The following ARCN1 variants were observed in gnomAD, a reference collection of about 807,000 sequenced individuals.
ARCN1 encodes archain 1 coat protein complex I subunit delta.
A neutral mutation model predicts 60.4 loss-of-function variants in ARCN1; 5 were observed. The ratio of observed to expected loss-of-function variants is 0.08; its 90% confidence interval spans 0.04 to 0.17. The LOEUF (loss-of-function observed/expected upper bound fraction) is 0.17. ARCN1 is among the 10% of genes least tolerant of loss of function. The pLI is 1.00. For missense variants in ARCN1, 464 were observed against 626.5 expected, an observed-to-expected ratio of 0.74 and a Z score of 2.77; for synonymous variants, 224 against 220.0, an observed-to-expected ratio of 1.02 and a Z score of -0.16.
At chr11:118,597,977 G>A in intron 9 of ARCN1, 66 bp downstream of exon 9, 4 of 1,514,416 alleles carry the variant, frequency 2.6e-6, no homozygotes, top group Non-Finnish European at 2.7e-6. Context: ...CGTATAGGAT[G>A]CCAGACAGGT....
Position 118,584,689 on chromosome 11 carries a change from C to T in ARCN1, c.818+45C>T, listed in dbSNP as rs782548734. On this transcript the variant is annotated intron_variant, in intron 5 of 9. Coordinates refer to ENST00000264028, the MANE Select transcript of ARCN1 (RefSeq NM_001655.5). ...AAGAATTCAAGCTTTGAATACAGTC[C>T]ACATAATTTTTTAAAAATCTTATTT... 8 of 1,462,242 alleles carry T rather than the reference C, an allele frequency of 5.5e-6. No individual in the cohort carries two copies. In the East Asian group the frequency reaches 1.9e-4, roughly 35 times the overall value. The allele number at this position is 1,462,242 out of a possible 1,614,324, so 90.6% of individuals were successfully genotyped here. A position where few individuals can be genotyped will look rare whatever the true frequency, so the allele number is the denominator to read the frequency against.
chr11:118,582,264 T>A (rs936973233), intron 2 of ARCN1, among the ~76,000 whole-genome samples: 1 of 152,034 alleles, frequency 6.6e-6, no homozygotes, highest in Admixed American at 6.5e-5. Context: ...GGCCTCAGCC[T>A]CCCGAGTAGT....
chr11:118,584,780 G>T, intron 5 of ARCN1, 136 bp downstream of exon 5: 1 of 824,502 alleles, frequency 1.2e-6, no homozygotes, highest in Non-Finnish European at 1.8e-6. Flanking sequence ...ATTCAGAGCA[G>T]ATTCTACATA....
At position 118,602,460 on chromosome 11, in the gene ARCN1, T is replaced by C. The variant is rs141704685; in HGVS notation, c.*1746T>C. The C allele has an allele frequency of 4.1e-3, 634 of 153,936 alleles. 4 individuals carry two copies. Among genetic ancestry groups the C allele is most frequent in the Non-Finnish European group, 7.6e-3 (514 of 68,068 alleles). The allele number at this position is 153,936 out of a possible 1,614,324, so 9.5% of individuals were successfully genotyped here. ...GACGACTAGATGACTTCTGCACTTTTAGCTGGTTGAAAAGTACCACTCCCA... is the reference window on the plus strand; with the variant it reads ...GACGACTAGATGACTTCTGCACTTTCAGCTGGTTGAAAAGTACCACTCCCA... On this transcript the variant is annotated 3_prime_UTR_variant, in exon 10 of 10. Transcript: ENST00000264028.
chr11:118,572,900 C>T, intron 1 of ARCN1: 1 of 309,174 alleles, frequency 3.2e-6, no homozygotes, highest in South Asian at 1.0e-4. Flanking sequence ...TGATGCTGTC[C>T]CGCCGGTTCC....
intron 5 of ARCN1, among the ~76,000 whole-genome samples, chr11:118,587,862 G>A (rs181029040): frequency 7.9e-4 from 121 of 152,306 alleles, no homozygotes; most frequent in African/African-American, 2.5e-3. Flanking sequence ...CAATTAATCT[G>A]CTAGAGCACC....
Position 118,581,241 on chromosome 11 carries a change from G to A in ARCN1, c.4-5G>A, listed in dbSNP as rs1555074521. 1 of 1,613,954 alleles carries A rather than the reference G, an allele frequency of 6.2e-7. No homozygotes were observed. Among genetic ancestry groups the A allele is most frequent in the Non-Finnish European group, 8.5e-7 (1 of 1,179,768 alleles). ...AGTACTTACTTATGCATATGTTCCTGGCAGGTGCTGTTGGCAGCAGCGGTC... is the reference window on the plus strand; with the variant it reads ...AGTACTTACTTATGCATATGTTCCTAGCAGGTGCTGTTGGCAGCAGCGGTC... On this transcript the variant is annotated splice_region_variant and splice_polypyrimidine_tract_variant and intron_variant, in intron 1 of 9. Transcript: ENST00000264028.
chr11:118,584,678 T>C lies in ARCN1; in HGVS notation c.818+34T>C, dbSNP rs782709077. On this transcript the variant is annotated intron_variant, in intron 5 of 9. Coordinates refer to ENST00000264028, the MANE Select transcript of ARCN1 (RefSeq NM_001655.5). ...GAACTTTGAGTAAGAATTCAAGCTTTGAATACAGTCCACATAATTTTTTAA... is the reference window on the plus strand; with the variant it reads ...GAACTTTGAGTAAGAATTCAAGCTTCGAATACAGTCCACATAATTTTTTAA... 14 of 1,537,332 alleles carry C rather than the reference T, an allele frequency of 9.1e-6. No homozygotes were observed. The African/African-American group carries it at 1.7e-4, about 18-fold the overall frequency.
intron 5 of ARCN1, among the ~76,000 whole-genome samples, chr11:118,585,923 ATT>A (rs1565362125): frequency 6.6e-6 from 1 of 152,184 alleles, no homozygotes; most frequent in Non-Finnish European, 1.5e-5. Context: ...GGTTGGTGAC[ATT>A]TTTAAGTGGT....
At chr11:118,595,514 A>C (rs1344617174) in intron 8 of ARCN1, among the ~76,000 whole-genome samples, 1 of 152,292 alleles carries the variant, frequency 6.6e-6, no homozygotes, top group African/African-American at 2.4e-5. Context: ...TGTCATGTCA[A>C]CCCCAGAAGT....
chr11:118,591,023 G>C (rs142080239), intron 6 of ARCN1, among the ~76,000 whole-genome samples: 2,016 of 152,280 alleles, frequency 0.013, 43 homozygotes, highest in African/African-American at 0.043. Context: ...TTAGCCAGGC[G>C]TGGTGGCACA....
In ARCN1 at chr11:118,600,858, C is replaced by T. The variant is rs1555077999; in HGVS notation, c.*144C>T. ...TGCACGATTCTCTGCGCGCAAGGACCCTCGACTCACCCCCATGTTTCAGTG... is the reference window on the plus strand; with the variant it reads ...TGCACGATTCTCTGCGCGCAAGGACTCTCGACTCACCCCCATGTTTCAGTG... On this transcript the variant is annotated 3_prime_UTR_variant, in exon 10 of 10. Transcript: ENST00000264028. 2 of 536,038 alleles carry T rather than the reference C, an allele frequency of 3.7e-6. No homozygotes were observed. Among genetic ancestry groups the T allele is most frequent in the Non-Finnish European group, 6.6e-6 (2 of 302,828 alleles). 33.2% of individuals were successfully genotyped at this position (536,038 alleles called of 1,614,324 possible).
intron 6 of ARCN1, among the ~76,000 whole-genome samples, chr11:118,592,195 A>G (rs1348556981): frequency 6.6e-6 from 1 of 152,154 alleles, no homozygotes; most frequent in Non-Finnish European, 1.5e-5. Flanking sequence ...CCCAAAAGCA[A>G]TTTCTTTTAA....
chr11:118,573,416 A>G (rs1938404280), intron 1 of ARCN1, among the ~76,000 whole-genome samples: 1 of 152,162 alleles, frequency 6.6e-6, no homozygotes, highest in African/African-American at 2.4e-5. Flanking sequence ...AGGATGAGAA[A>G]GGTTAATGTG....
chr11:118,582,857 A>C (rs1021115881), intron 2 of ARCN1, among the ~76,000 whole-genome samples: 7 of 152,046 alleles, frequency 4.6e-5, no homozygotes, highest in Admixed American at 4.6e-4. Flanking sequence ...CCTGGCCAAC[A>C]TGGTGAAACC....
chr11:118,575,418 G>T (rs1450121177), intron 1 of ARCN1, among the ~76,000 whole-genome samples: 2 of 151,942 alleles, frequency 1.3e-5, no homozygotes, highest in Non-Finnish European at 2.9e-5. Context: ...ACGGGTGTGT[G>T]TGTGTGTGTG....
intron 1 of ARCN1, among the ~76,000 whole-genome samples, chr11:118,575,666 A>G (rs977081233): frequency 1.3e-5 from 2 of 152,226 alleles, no homozygotes; most frequent in African/African-American, 4.8e-5. Flanking sequence ...GTGTGCATGT[A>G]TATGTGTATA....
chr11:118,594,930 A>G (rs1344648984), intron 8 of ARCN1, among the ~76,000 whole-genome samples: 1 of 151,800 alleles, frequency 6.6e-6, no homozygotes, highest in African/African-American at 2.4e-5. Flanking sequence ...GCTTACTGCA[A>G]CCTCCACCTC....
In ARCN1 at chr11:118,581,263, G is replaced by T. The variant is rs142869705; in HGVS notation, c.21G>T (p.Ala7=). Residue 7 remains alanine (A), a synonymous_variant, in exon 2 of 10, where the codon GCG becomes GCT. Transcript: ENST00000264028. MVLLAA[A]VCTKAGKAIV... is the part of the protein sequence containing the mutation. ...CCTGGCAGGTGCTGTTGGCAGCAGCGGTCTGCACAAAAGCAGGAAAGGCTA... is the reference window on the plus strand; with the variant it reads ...CCTGGCAGGTGCTGTTGGCAGCAGCTGTCTGCACAAAAGCAGGAAAGGCTA... The T allele has an allele frequency of 4.3e-6, 7 of 1,614,076 alleles. No homozygotes were observed. Among genetic ancestry groups the T allele is most frequent in the Middle Eastern group, 3.3e-4 (2 of 6,084 alleles).
Sources: gnomAD v4.1 joint callset for allele counts (sites outside exome capture counted in the v4.1 genomes callset) on GRCh38, gnomAD v4.1.1 for gene constraint, MANE v1.5 for transcripts, NCBI Gene and HGNC (gene_info 2026-07-23, HGNC 2026-07-21) for gene names.